CPSF2: variants seen among roughly 807,000 people sequenced by gnomAD.
CPSF2 encodes the protein cleavage and polyadenylation specific factor 2.
In CPSF2, 51 loss-of-function variants were observed where a neutral mutation model predicts 84.2. The observed-to-expected ratio is 0.61, with a 90% CI of 0.48 to 0.77. CPSF2 has a LOEUF of 0.77. Among genes scored for constraint, CPSF2 ranks in the 30% least tolerant of loss-of-function variants. The pLI is 0.00. For missense variants in CPSF2, 641 were observed against 929.4 expected (o/e 0.69, Z 4.03); for synonymous variants, 286 against 311.9 (o/e 0.92, Z 0.87).
Position 92,156,507 on chromosome 14 carries a change from C to T in CPSF2, c.1471C>T (p.Gln491Ter). Residue 491 changes from glutamine (Q) to a stop codon, truncating the protein, a stop_gained, in exon 12 of 16, where the codon CAA (glutamine) becomes TAA (stop). Transcript: ENST00000298875. LOFTEE classifies it high-confidence loss of function. ...KPEDFLVPEL[Q>*]ATEEEKSKLE... ...AGAGGATTTCTTAGTGCCAGAGCTT[C>T]AAGCTACTGAAGAAGAAAAAAGCAA... The T allele has an allele frequency of 6.2e-7, 1 of 1,612,350 alleles. No homozygotes were observed.
At chr14:92,138,792 C>T (rs140265911) in intron 7 of CPSF2, among the ~76,000 whole-genome samples, 6 of 152,210 alleles carry the variant, frequency 3.9e-5, no homozygotes, top group Admixed American at 1.3e-4. Flanking sequence ...TTACTGTATC[C>T]GTCTCCAGAA....
chr14:92,141,313 G>T (rs1255843189), intron 7 of CPSF2, among the ~76,000 whole-genome samples: 5 of 152,080 alleles, frequency 3.3e-5, no homozygotes, highest in Admixed American at 3.3e-4. Flanking sequence ...TATATAGGAG[G>T]ATGTACGTAG....
chr14:92,134,812 T>C (rs999960745), intron 5 of CPSF2, among the ~76,000 whole-genome samples: 1 of 152,210 alleles, frequency 6.6e-6, no homozygotes, highest in African/African-American at 2.4e-5. Flanking sequence ...TCTATATTTA[T>C]CATCTACAGA....
chr14:92,159,916 A>G (rs924586776), intron 14 of CPSF2, among the ~76,000 whole-genome samples: 1 of 151,546 alleles, frequency 6.6e-6, no homozygotes, highest in Non-Finnish European at 1.5e-5. Context: ...GCCTGCTTCC[A>G]GTCAGGAGAT....
chr14:92,156,228 C>T (rs2069288059), intron 11 of CPSF2, among the ~76,000 whole-genome samples: 1 of 152,086 alleles, frequency 6.6e-6, no homozygotes, highest in African/African-American at 2.4e-5. Flanking sequence ...GCGGAGGTTG[C>T]AGTGAGCCGA....
At chr14:92,149,059 C>T (rs751455871) in intron 9 of CPSF2, among the ~76,000 whole-genome samples, 20 of 152,058 alleles carry the variant, frequency 1.3e-4, no homozygotes, top group Non-Finnish European at 1.5e-4. Flanking sequence ...GGTTTGAGGA[C>T]GCCTGGGAGT....
intron 4 of CPSF2, 28 bp from the exon 5 acceptor site, chr14:92,134,222 T>G (rs1270585963): frequency 1.9e-6 from 3 of 1,611,466 alleles, no homozygotes; most frequent in Non-Finnish European, 2.5e-6. Flanking sequence ...GTGATTGTTT[T>G]TCACCTTTAT....
intron 10 of CPSF2, 108 bp downstream of exon 10, chr14:92,154,566 A>G: frequency 1.4e-6 from 1 of 696,934 alleles, no homozygotes; most frequent in Non-Finnish European, 2.3e-6. Context: ...GTAAGACTTA[A>G]TTTTGTTACA....
At chr14:92,145,096 C>A (rs1176873525) in intron 9 of CPSF2, among the ~76,000 whole-genome samples, 1 of 152,132 alleles carries the variant, frequency 6.6e-6, no homozygotes, top group African/African-American at 2.4e-5. Context: ...AAGTTTGTAG[C>A]AATTGATATA....
intron 14 of CPSF2, 132 bp from the exon 15 acceptor site, chr14:92,160,975 TTGAAA>T (rs1305516238): frequency 1.3e-6 from 1 of 770,164 alleles, no homozygotes; most frequent in Non-Finnish European, 2.0e-6. Context: ...ATTTACAGTC[TTGAAA>T]TGATCTGTCA....
chr14:92,159,113 G>A lies in CPSF2; in HGVS notation c.1952G>A (p.Gly651Glu). The change falls in exon 14 of 16, where the codon GGA becomes GAA. Residue 651 changes from glycine (G) to glutamate (E), a missense_variant. Physicochemically the swap from Gly to Glu is moderately conservative, Grantham distance 98. Around this residue, in one of 2 missense-constraint regions of CPSF2, gnomAD observed 430 missense variants for 553.6 expected, o/e 0.78. Transcript: ENST00000298875. ...GACACAGGGGTTATTTTAGAAGAAG[G>A]AGAACTAAAGGATGATGGAGAAGAC... ...KVDTGVILEE[G>E]ELKDDGEDSE... 1 of 1,614,090 alleles carries A rather than the reference G, an allele frequency of 6.2e-7. No homozygotes were observed. Among genetic ancestry groups the A allele is most frequent in the Non-Finnish European group, 8.5e-7 (1 of 1,180,004 alleles).
chr14:92,152,223 A>G (rs1188488289), intron 9 of CPSF2, among the ~76,000 whole-genome samples: 1 of 151,932 alleles, frequency 6.6e-6, no homozygotes, highest in African/African-American at 2.4e-5. Context: ...TCCGCCTCCC[A>G]GGTTCAAGTG....
intron 11 of CPSF2, 52 bp from the exon 12 acceptor site, chr14:92,156,427 A>T (rs2069290994): frequency 6.7e-7 from 1 of 1,481,914 alleles, no homozygotes; most frequent in Non-Finnish European, 9.2e-7. Context: ...CATATATGTT[A>T]TGTAGTATTA....
intron 8 of CPSF2, 69 bp downstream of exon 8, chr14:92,142,420 A>T: frequency 8.0e-7 from 1 of 1,256,718 alleles, no homozygotes; most frequent in Non-Finnish European, 1.1e-6. Context: ...TGGGCGTCTT[A>T]AATGTTTTTT....
Position 92,138,321 on chromosome 14 carries a change from GA to G in CPSF2, c.639del (p.Lys213AsnfsTer8). ...AATGCTACATATGTACAGCCTAGAA[GA>G]AAACAGAGAGATGAGCAGCTTCTGA... ...SFNATYVQPR[R>X]KQRDEQLLTN... On this transcript the variant is annotated frameshift_variant, in exon 7 of 16. Transcript: ENST00000298875. LOFTEE classifies it high-confidence loss of function. 1.3e-6 allele frequency: 2 copies of G among 1,585,340 alleles called. No homozygotes were observed. Among genetic ancestry groups the G allele is most frequent in the South Asian group, 1.2e-5 (1 of 85,960 alleles).
At chr14:92,141,093 C>T (rs890880055) in intron 7 of CPSF2, among the ~76,000 whole-genome samples, 1 of 152,062 alleles carries the variant, frequency 6.6e-6, no homozygotes, top group African/African-American at 2.4e-5. Flanking sequence ...TACATACATA[C>T]AAACTATGTA....
rs2069466690 is a variant in CPSF2, at chr14:92,167,705, T to A, written c.*5961T>A. 3 of 152,220 alleles carry A rather than the reference T, an allele frequency of 2.0e-5. No homozygotes were observed. The allele number at this position is 152,220 out of a possible 1,614,324, so 9.4% of individuals were successfully genotyped here. ...GAGAAATAGATTGATTTCTATTCTA[T>A]ACTGTGTCCAGTAAAGGTCGGGGGA... On this transcript the variant is annotated 3_prime_UTR_variant, in exon 16 of 16. Transcript: ENST00000298875.
At position 92,131,661 on chromosome 14, in the gene CPSF2, A is replaced by G. The variant is rs529179421; in HGVS notation, c.149+528A>G. On this transcript the variant is annotated intron_variant, in intron 3 of 15. Transcript: ENST00000298875. ...CGAGACCAGCCTGGCCAACATGGTG[A>G]AACTCCAACTCTACTAAAAATACAA... is the stretch of plus-strand genomic sequence containing the variant. Among the ~76,000 whole-genome samples the G allele has an allele frequency of 1.8e-4, 27 of 152,252 alleles. No homozygotes were observed. The South Asian group carries it at 3.5e-3, about 20-fold the overall frequency.
At chr14:92,143,899 G>C (rs898531562) in intron 9 of CPSF2, among the ~76,000 whole-genome samples, 4 of 152,134 alleles carry the variant, frequency 2.6e-5, no homozygotes, top group African/African-American at 9.7e-5. Flanking sequence ...AGCATATACA[G>C]GGTTTTCTCA....
Sources: gnomAD v4.1 joint callset for allele counts (sites outside exome capture counted in the v4.1 genomes callset) on GRCh38, gnomAD v4.1.1 for gene constraint, gnomAD v4.1.1 regional missense constraint, MANE v1.5 for transcripts, NCBI Gene and HGNC (gene_info 2026-07-23, HGNC 2026-07-21) for gene names.